Variants in MDFIC2 observed in about 807,000 individuals in gnomAD.
The protein encoded by MDFIC2 is myoD family inhibitor domain-containing protein 2.
In MDFIC2 at chr3:70,220,055, C is replaced by T. The variant is rs117773218; in HGVS notation, c.89-13265G>A. ...ATAAAGAAAAGATTTTTCAAGTACC[C>T]AGGCAAGGAAAACTAGATCAAATGA... On this transcript the variant is annotated intron_variant, in intron 2 of 3. Transcript: ENST00000567252. Among the ~76,000 whole-genome samples, 1,041 of 152,114 alleles carry T rather than the reference C, an allele frequency of 6.8e-3. 61 individuals carry two copies. In the East Asian group the frequency reaches 0.15, roughly 22 times the overall value.
intron 2 of MDFIC2, among the ~76,000 whole-genome samples, chr3:70,226,688 A>G (rs963883750): frequency 1.3e-5 from 2 of 149,938 alleles, no homozygotes; most frequent in African/African-American, 2.5e-5. Flanking sequence ...CAGTGAGCCG[A>G]TATCGTGCCA....
intron 2 of MDFIC2, among the ~76,000 whole-genome samples, chr3:70,242,730 A>G (rs1701674883): frequency 6.6e-6 from 1 of 152,192 alleles, no homozygotes; most frequent in Non-Finnish European, 1.5e-5. Flanking sequence ...ATTATGTATA[A>G]TGCTGCTTTT....
chr3:70,276,088 A>G (rs1702023012), intron 2 of MDFIC2, among the ~76,000 whole-genome samples: 1 of 152,182 alleles, frequency 6.6e-6, no homozygotes, highest in Non-Finnish European at 1.5e-5. Context: ...ATTATAATTA[A>G]GATAATATGA....
chr3:70,217,972 G>A (rs547432135), intron 2 of MDFIC2, among the ~76,000 whole-genome samples: 71 of 152,254 alleles, frequency 4.7e-4, no homozygotes, highest in Non-Finnish European at 9.0e-4. Context: ...CAGAAATCAA[G>A]CCACATTTTT....
intron 2 of MDFIC2, among the ~76,000 whole-genome samples, chr3:70,260,194 G>A (rs1346583579): frequency 2.0e-5 from 3 of 152,108 alleles, no homozygotes; most frequent in African/African-American, 7.2e-5. Context: ...CTAACTTCTA[G>A]TGGTTTGCCA....
In MDFIC2 at chr3:70,195,549, G is replaced by T. The variant is rs1475044945; in HGVS notation, c.*1377C>A. Among the ~76,000 whole-genome samples the T allele has an allele frequency of 6.6e-6, 1 of 152,152 alleles. No homozygotes were observed. Among genetic ancestry groups the T allele is most frequent in the East Asian group, 1.9e-4 (1 of 5,200 alleles). ...CAGAAATAAAGCAAATGGTGATTTT[G>T]CCTGAAATTACCTAAGTCAGGAAAA... On this transcript the variant is annotated 3_prime_UTR_variant, in exon 4 of 4. Transcript: ENST00000567252.
At position 70,307,553 on chromosome 3, in the gene MDFIC2, A is replaced by T. The variant is rs528278432; in HGVS notation, c.88+4333T>A. On this transcript the variant is annotated intron_variant, in intron 2 of 3. Coordinates refer to ENST00000567252, the MANE Select transcript of MDFIC2 (RefSeq NM_001364677.1). ...ACAATTTTTCCTCCATAAAGTTTTC[A>T]CATTTGGGCCTATTTTCTCCTTCTC... Among the ~76,000 whole-genome samples the T allele has an allele frequency of 5.9e-5, 9 of 151,870 alleles. No individual in the cohort carries two copies. In the South Asian group the frequency reaches 1.9e-3, roughly 32 times the overall value.
intron 2 of MDFIC2, among the ~76,000 whole-genome samples, chr3:70,225,983 C>T (rs1268010451): frequency 6.6e-6 from 1 of 152,112 alleles, no homozygotes; most frequent in Non-Finnish European, 1.5e-5. Context: ...CAGGATGAGA[C>T]ATATTGCCTT....
At chr3:70,237,841 G>T (rs1434148782) in intron 2 of MDFIC2, among the ~76,000 whole-genome samples, 1 of 152,072 alleles carries the variant, frequency 6.6e-6, no homozygotes, top group East Asian at 1.9e-4. Context: ...CTTAAATATT[G>T]CACTGAAAGT....
chr3:70,301,231 C>T (rs962483862), intron 2 of MDFIC2, among the ~76,000 whole-genome samples: 1 of 152,012 alleles, frequency 6.6e-6, no homozygotes, highest in African/African-American at 2.4e-5. Flanking sequence ...TTAGCCCAAA[C>T]CTACTGAGTC....
At chr3:70,300,923 A>G (rs1410853656) in intron 2 of MDFIC2, among the ~76,000 whole-genome samples, 1 of 152,028 alleles carries the variant, frequency 6.6e-6, no homozygotes, top group Non-Finnish European at 1.5e-5. Context: ...AAAAAAAGTC[A>G]AGAAAGCCGT....
At chr3:70,245,489 A>T (rs1701698284) in intron 2 of MDFIC2, among the ~76,000 whole-genome samples, 1 of 151,494 alleles carries the variant, frequency 6.6e-6, no homozygotes, top group Admixed American at 6.6e-5. Context: ...TCTTTAAATG[A>T]CTTTGTTAAT....
intron 2 of MDFIC2, among the ~76,000 whole-genome samples, chr3:70,302,081 T>C (rs1702354661): frequency 1.3e-5 from 2 of 152,138 alleles, no homozygotes; most frequent in African/African-American, 4.8e-5. Context: ...CTATGAGTTG[T>C]CCTCTCTACT....
At chr3:70,237,990 T>TTTTTA in intron 2 of MDFIC2, among the ~76,000 whole-genome samples, 1 of 133,120 alleles carries the variant, frequency 7.5e-6, no homozygotes, top group Non-Finnish European at 1.6e-5. Context: ...TTTTTTTTTT[T>TTTTTA]TTTTTTTTTT....
At chr3:70,299,750 A>G (rs559874904) in intron 2 of MDFIC2, among the ~76,000 whole-genome samples, 1 of 152,104 alleles carries the variant, frequency 6.6e-6, no homozygotes, top group South Asian at 2.1e-4. Context: ...CAACTCACAA[A>G]TCTTTTCTAA....
intron 2 of MDFIC2, among the ~76,000 whole-genome samples, chr3:70,226,932 A>G (rs992229691): frequency 1.3e-5 from 2 of 152,066 alleles, no homozygotes; most frequent in Non-Finnish European, 1.5e-5. Context: ...ATCTTTACCC[A>G]TAGATTTTTT....
At chr3:70,289,747 G>C (rs1201658825) in intron 2 of MDFIC2, among the ~76,000 whole-genome samples, 36 of 151,920 alleles carry the variant, frequency 2.4e-4, no homozygotes, top group African/African-American at 8.5e-4. Context: ...TTCTTGGAGG[G>C]TTTGCTCGTT....
At chr3:70,297,269 G>T (rs1012954111) in intron 2 of MDFIC2, among the ~76,000 whole-genome samples, 2 of 152,020 alleles carry the variant, frequency 1.3e-5, no homozygotes, top group African/African-American at 4.8e-5. Flanking sequence ...TAAAGCAAAA[G>T]AATCAAAGAG....
intron 2 of MDFIC2, among the ~76,000 whole-genome samples, chr3:70,248,236 T>C (rs1701727121): frequency 6.6e-6 from 1 of 152,072 alleles, no homozygotes; most frequent in South Asian, 2.1e-4. Context: ...AAACATAGTA[T>C]ATTGTATAGA....
Sources: gnomAD v4.1 joint callset for allele counts (sites outside exome capture counted in the v4.1 genomes callset) on GRCh38, gnomAD v4.1.1 for gene constraint, MANE v1.5 for transcripts, NCBI Gene and HGNC (gene_info 2026-07-23, HGNC 2026-07-21) for gene names.